BICD1: variants seen among roughly 807,000 people sequenced by gnomAD.
BICD1 encodes the protein protein bicaudal D homolog 1.
A neutral mutation model predicts 92.5 loss-of-function variants in BICD1; 35 were observed. The observed-to-expected ratio is 0.38, with a 90% CI of 0.29 to 0.50. The LOEUF is 0.50. Among genes scored for constraint, BICD1 ranks in the 20% least tolerant of loss-of-function variants. The pLI is 0.93. For synonymous variants in BICD1, 429 were observed against 465.1 expected (o/e 0.92, Z 1.00); for missense variants, 950 against 1,189.8 (o/e 0.80, Z 2.97).
chr12:32,292,559 A>T (rs1947753766), intron 2 of BICD1, among the ~76,000 whole-genome samples: 2 of 152,144 alleles, frequency 1.3e-5, no homozygotes, highest in African/African-American at 2.4e-5. Context: ...CATCTGGCTT[A>T]TTTCAGTCAA....
chr12:32,334,192 T>TC (rs1186953616), intron 5 of BICD1, among the ~76,000 whole-genome samples: 1 of 152,158 alleles, frequency 6.6e-6, no homozygotes, highest in African/African-American at 2.4e-5. Flanking sequence ...TCATTTTGGC[T>TC]CCCTCCTTGT....
At position 32,217,871 on chromosome 12, in the gene BICD1, G is replaced by A. The variant is rs145456567; in HGVS notation, c.426+1412G>A. Among the ~76,000 whole-genome samples the A allele has an allele frequency of 5.6e-3, 852 of 152,298 alleles. 6 individuals are homozygous for A. The highest frequency in any genetic ancestry group is 0.018 in the East Asian group (95 of 5,188). On this transcript the variant is annotated intron_variant, in intron 2 of 9. Transcript: ENST00000652176. The stretch of plus-strand genomic sequence containing the variant: ...AAGGAAGTCACCAAACATTTGCAGG[G>A]AGCAACCTCAGCAGCCGTGAGCAGC...
chr12:32,215,081 T>G (rs1372445017), intron 1 of BICD1, among the ~76,000 whole-genome samples: 2 of 152,022 alleles, frequency 1.3e-5, no homozygotes, highest in African/African-American at 2.4e-5. Context: ...GGACAAAAAT[T>G]AGCTGGGCAT....
At chr12:32,274,264 A>G (rs180800089) in intron 2 of BICD1, among the ~76,000 whole-genome samples, 82 of 152,286 alleles carry the variant, frequency 5.4e-4, no homozygotes, top group African/African-American at 1.9e-3. Context: ...CTTAAGACAG[A>G]TCAATACCTC....
intron 1 of BICD1, among the ~76,000 whole-genome samples, chr12:32,162,029 C>A (rs1943616073): frequency 6.6e-6 from 1 of 152,150 alleles, no homozygotes; most frequent in Non-Finnish European, 1.5e-5. Flanking sequence ...CCCGTCAGCA[C>A]CCATGAAGTA....
At chr12:32,148,073 T>A (rs1279532412) in intron 1 of BICD1, among the ~76,000 whole-genome samples, 4 of 141,802 alleles carry the variant, frequency 2.8e-5, no homozygotes, top group Non-Finnish European at 6.0e-5. Context: ...GTCTGGGAGG[T>A]TGAGGCTACA....
chr12:32,296,502 C>T (rs936673395), intron 3 of BICD1, among the ~76,000 whole-genome samples: 1 of 151,966 alleles, frequency 6.6e-6, no homozygotes, highest in Non-Finnish European at 1.5e-5. Context: ...CATGATCTGC[C>T]CGCCTCAGCC....
At chr12:32,363,198 G>A (rs1158809796) in intron 8 of BICD1, among the ~76,000 whole-genome samples, 2 of 151,982 alleles carry the variant, frequency 1.3e-5, no homozygotes. Context: ...TGTGCATATC[G>A]AGACAGACCT....
intron 2 of BICD1, among the ~76,000 whole-genome samples, chr12:32,285,527 A>AT (rs1429472362): frequency 6.6e-6 from 1 of 152,096 alleles, no homozygotes; most frequent in Non-Finnish European, 1.5e-5. Flanking sequence ...GTTCATCTGT[A>AT]TTTTTTCTTC....
intron 2 of BICD1, among the ~76,000 whole-genome samples, chr12:32,237,274 T>G (rs59032949): frequency 6.6e-6 from 1 of 151,998 alleles, no homozygotes; most frequent in Non-Finnish European, 1.5e-5. Context: ...TTGAAGCCAA[T>G]GGGTTGGTTC....
At chr12:32,219,124 C>T (rs572134983) in intron 2 of BICD1, among the ~76,000 whole-genome samples, 1 of 152,182 alleles carries the variant, frequency 6.6e-6, no homozygotes, top group South Asian at 2.1e-4. Flanking sequence ...GAGAAATATA[C>T]AAGGATAACC....
chr12:32,125,260 C>T (rs1942288145), intron 1 of BICD1, among the ~76,000 whole-genome samples: 1 of 152,192 alleles, frequency 6.6e-6, no homozygotes, highest in South Asian at 2.1e-4. Flanking sequence ...GACTGAGCTT[C>T]TAATGGTTGA....
intron 4 of BICD1, among the ~76,000 whole-genome samples, chr12:32,318,905 G>C (rs1398928582): frequency 6.6e-6 from 1 of 152,078 alleles, no homozygotes; most frequent in Non-Finnish European, 1.5e-5. Context: ...TGCTATAAAA[G>C]CAATTGTTTT....
chr12:32,230,120 A>T (rs1392296341), intron 2 of BICD1, among the ~76,000 whole-genome samples: 5 of 152,024 alleles, frequency 3.3e-5, no homozygotes, highest in African/African-American at 1.2e-4. Context: ...AGCAGCTGAG[A>T]GGGAAGGTAG....
intron 8 of BICD1, among the ~76,000 whole-genome samples, chr12:32,351,826 C>G (rs1311965685): frequency 1.3e-5 from 2 of 150,848 alleles, no homozygotes; most frequent in African/African-American, 2.4e-5. Flanking sequence ...TTGCTTGAAC[C>G]AGGACGCGGG....
chr12:32,164,723 G>A lies in BICD1; in HGVS notation c.214-51524G>A, dbSNP rs1048500747. Among the ~76,000 whole-genome samples, 4 of 152,144 alleles carry A rather than the reference G, an allele frequency of 2.6e-5. No homozygotes were observed. In the South Asian group the frequency reaches 6.2e-4, roughly 24 times the overall value. ...ATTCAGAAACCCCTTTCAACAGCAC[G>A]TAGATAGTTAAAGAGAAAGATTGTT... is the stretch of plus-strand genomic sequence containing the variant. On this transcript the variant is annotated intron_variant, in intron 1 of 9. Coordinates refer to ENST00000652176, the MANE Select transcript of BICD1 (RefSeq NM_001714.4).
intron 2 of BICD1, among the ~76,000 whole-genome samples, chr12:32,282,518 CTT>C (rs1592606977): frequency 2.6e-5 from 4 of 152,170 alleles, no homozygotes; most frequent in Admixed American, 2.0e-4. Context: ...TTCCTGAGCT[CTT>C]TCAAGGAGGT....
chr12:32,218,772 C>G (rs1413949927), intron 2 of BICD1, among the ~76,000 whole-genome samples: 1 of 152,096 alleles, frequency 6.6e-6, no homozygotes, highest in Admixed American at 6.5e-5. Context: ...TCTATGTGTG[C>G]CAATAATGTA....
At chr12:32,370,372 GAA>G (rs1168876108) in intron 9 of BICD1, among the ~76,000 whole-genome samples, 1 of 149,420 alleles carries the variant, frequency 6.7e-6, no homozygotes, top group East Asian at 1.9e-4. Flanking sequence ...AAAAAAAAAA[GAA>G]ATAATGTAAT....
Sources: gnomAD v4.1 joint callset for allele counts (sites outside exome capture counted in the v4.1 genomes callset) on GRCh38, gnomAD v4.1.1 for gene constraint, MANE v1.5 for transcripts, NCBI Gene and HGNC (gene_info 2026-07-23, HGNC 2026-07-21) for gene names.